Variants in IQGAP1 observed in about 807,000 individuals in gnomAD.
IQGAP1 encodes the protein ras GTPase-activating-like protein IQGAP1.
In IQGAP1, 66 loss-of-function variants were observed where a neutral mutation model predicts 215.6. The ratio of observed to expected loss-of-function variants is 0.31; its 90% CI spans 0.25 to 0.38. The LOEUF is 0.38. IQGAP1 is among the 10% of genes least tolerant of loss of function. IQGAP1 has a pLI of 1.00. For missense variants in IQGAP1, 1,712 were observed against 1,997.1 expected, an observed-to-expected ratio of 0.86 and a Z score of 2.72; for synonymous variants, 772 against 728.7, an observed-to-expected ratio of 1.06 and a Z score of -0.96.
intron 2 of IQGAP1, among the ~76,000 whole-genome samples, chr15:90,394,544 C>G (rs1421511596): frequency 6.6e-6 from 1 of 152,094 alleles, no homozygotes; most frequent in Non-Finnish European, 1.5e-5. Flanking sequence ...AGCTATTAAC[C>G]TCTTCCAGTT....
At chr15:90,389,578 C>T (rs915996540) in intron 1 of IQGAP1, among the ~76,000 whole-genome samples, 1 of 151,952 alleles carries the variant, frequency 6.6e-6, no homozygotes, top group Non-Finnish European at 1.5e-5. Context: ...ATGATCCCCA[C>T]GCCTCGACCT....
intron 33 of IQGAP1, among the ~76,000 whole-genome samples, chr15:90,488,093 T>A (rs1389802044): frequency 1.3e-5 from 2 of 152,050 alleles, no homozygotes; most frequent in Non-Finnish European, 2.9e-5. Flanking sequence ...AGGTGGTAGA[T>A]GCCTGTAGTC....
At chr15:90,421,165 C>A (rs1567120417) in intron 2 of IQGAP1, among the ~76,000 whole-genome samples, 2 of 150,926 alleles carry the variant, frequency 1.3e-5, no homozygotes, top group Non-Finnish European at 2.9e-5. Flanking sequence ...ATAAAGTCTT[C>A]ATAAAGCTAA....
chr15:90,449,541 T>G lies in IQGAP1; in HGVS notation c.1078-18T>G, dbSNP rs766776225. 7.5e-6 allele frequency: 12 copies of G among 1,602,018 alleles called. No individual in the cohort carries two copies. Among genetic ancestry groups the G allele is most frequent in the Non-Finnish European group, 9.4e-6 (11 of 1,173,188 alleles). ...TAGGAATGAGTAATCTTTACATAAT[T>G]TTCTTTGCTTTGCTCAGAGTGGTCA... On this transcript the variant is annotated intron_variant, in intron 10 of 37. Coordinates refer to ENST00000268182, the MANE Select transcript of IQGAP1 (RefSeq NM_003870.4).
intron 13 of IQGAP1, 135 bp from the exon 14 acceptor site, chr15:90,454,293 G>T: frequency 2.2e-6 from 2 of 891,868 alleles, no homozygotes; most frequent in Admixed American, 2.6e-5. Flanking sequence ...TTTGCACTTT[G>T]TTTAAAGTAA....
chr15:90,456,899 T>A lies in IQGAP1; in HGVS notation c.1776+584T>A, dbSNP rs182692018. 9.9e-3 allele frequency among the ~76,000 whole-genome samples: 1,315 copies of A among 133,450 alleles called. 17 individuals carry two copies. The highest frequency in any genetic ancestry group is 0.033 in the African/African-American group (1,105 of 33,688). 87.5% of individuals were successfully genotyped at this position (133,450 alleles called of 152,430 possible). A position where few individuals can be genotyped will look rare whatever the true frequency, so the allele number is the denominator to read the frequency against. On this transcript the variant is annotated intron_variant, in intron 15 of 37. Transcript: ENST00000268182. ...TAAGACTCCGTCTCAAAAAAATATATATATATATATATGTGTGTGTGTGTG... is the reference window on the plus strand; with the variant it reads ...TAAGACTCCGTCTCAAAAAAATATAAATATATATATATGTGTGTGTGTGTG...
At chr15:90,444,243 C>CTGTGTGTGTGTGTGTGTGTG (rs34494521) in intron 9 of IQGAP1, among the ~76,000 whole-genome samples, 1 of 126,944 alleles carries the variant, frequency 7.9e-6, no homozygotes, top group Non-Finnish European at 1.6e-5. Context: ...TCCTTCAAAA[C>CTGTGTGTGTGTGTGTGTGTG]TGTGTGTGTG....
At chr15:90,469,985 T>C (rs1965883911) in intron 18 of IQGAP1, among the ~76,000 whole-genome samples, 1 of 151,708 alleles carries the variant, frequency 6.6e-6, no homozygotes. Flanking sequence ...GTACAACTTC[T>C]AGCAGAGTGA....
intron 6 of IQGAP1, 33 bp downstream of exon 6, chr15:90,439,432 G>A: frequency 6.4e-7 from 1 of 1,558,682 alleles, no homozygotes; most frequent in Non-Finnish European, 8.8e-7. Flanking sequence ...GGAAATGCTT[G>A]AATTATGTGG....
rs1309168704 is a variant in IQGAP1, at chr15:90,388,263, T to A, written c.-79T>A. 26 of 1,518,094 alleles carry A rather than the reference T, an allele frequency of 1.7e-5. No homozygotes were observed. Among genetic ancestry groups the A allele is most frequent in the Non-Finnish European group, 2.3e-5 (26 of 1,115,278 alleles). 94.0% of individuals were successfully genotyped at this position (1,518,094 alleles called of 1,614,324 possible). A position where few individuals can be genotyped will look rare whatever the true frequency, so the allele number is the denominator to read the frequency against. On this transcript the variant is annotated 5_prime_UTR_variant, in exon 1 of 38. The change creates a new upstream start codon in the 5' untranslated region. Coordinates refer to ENST00000268182, the MANE Select transcript of IQGAP1 (RefSeq NM_003870.4). ...CGGGGACCCCGGCAAGCCCGCGCAC[T>A]TGGCAGGAGCTGTAGCTACCGCCGT...
Position 90,443,442 on chromosome 15 carries a change from C to A in IQGAP1, c.877C>A (p.Gln293Lys), listed in dbSNP as rs1160956663. The A allele has an allele frequency of 6.2e-7, 1 of 1,612,888 alleles. No individual in the cohort carries two copies. Among genetic ancestry groups the A allele is most frequent in the Non-Finnish European group, 8.5e-7 (1 of 1,179,124 alleles). The change falls in exon 9 of 38, where the codon CAA becomes AAA. Residue 293 changes from glutamine (Q) to lysine (K), a missense_variant. Around this residue, in one of 2 missense-constraint regions of IQGAP1, gnomAD observed 1,021 missense variants for 1,074.2 expected, o/e 0.95. Transcript: ENST00000268182. The stretch of plus-strand genomic sequence containing the variant: ...AGATGTTTATGAGGAGCTGCTCACG[C>A]AAGCTGAAATTCAAGGCAATATAAA... The part of the protein sequence containing the change: ...ERDVYEELLT[Q>K]AEIQGNINKV...
chr15:90,413,182 C>T (rs893580975), intron 2 of IQGAP1, among the ~76,000 whole-genome samples: 1 of 152,070 alleles, frequency 6.6e-6, no homozygotes, highest in Non-Finnish European at 1.5e-5. Context: ...TGTCAGACTC[C>T]ATTAGCAGGT....
intron 2 of IQGAP1, among the ~76,000 whole-genome samples, chr15:90,417,074 T>C (rs1485577614): frequency 6.6e-6 from 1 of 152,222 alleles, no homozygotes; most frequent in Non-Finnish European, 1.5e-5. Context: ...TTCTTTTAAA[T>C]TTGTTTGAGT....
At chr15:90,397,536 A>G (rs947655937) in intron 2 of IQGAP1, among the ~76,000 whole-genome samples, 2 of 84,536 alleles carry the variant, frequency 2.4e-5, no homozygotes, top group Non-Finnish European at 4.1e-5. Flanking sequence ...TTTTTTTTTG[A>G]GACGGAGTCT....
At chr15:90,466,612 C>CG (rs1362226723) in intron 17 of IQGAP1, among the ~76,000 whole-genome samples, 176 bp downstream of exon 17, 5 of 150,630 alleles carry the variant, frequency 3.3e-5, no homozygotes, top group African/African-American at 1.2e-4. Flanking sequence ...TTCCCCCCCC[C>CG]CTTGTGGACA....
intron 2 of IQGAP1, chr15:90,391,959 A>G (rs1964642015): frequency 6.6e-6 from 1 of 152,194 alleles, no homozygotes; most frequent in African/African-American, 2.4e-5. Flanking sequence ...TGTGTATTTT[A>G]ATTCTGAAAA....
At chr15:90,426,670 T>G (rs547528001) in intron 3 of IQGAP1, among the ~76,000 whole-genome samples, 7 of 152,224 alleles carry the variant, frequency 4.6e-5, no homozygotes, top group Admixed American at 4.6e-4. Flanking sequence ...AATCTAGTTT[T>G]GGGGCCGGGC....
chr15:90,467,652 T>G (rs1965850219), intron 18 of IQGAP1, 60 bp downstream of exon 18: 1 of 1,509,196 alleles, frequency 6.6e-7, no homozygotes, highest in South Asian at 1.3e-5. Flanking sequence ...AGCTATAATA[T>G]TAATTAAGAG....
intron 2 of IQGAP1, among the ~76,000 whole-genome samples, chr15:90,398,967 T>C (rs1431565822): frequency 6.9e-6 from 1 of 145,108 alleles, no homozygotes; most frequent in East Asian, 2.0e-4. Flanking sequence ...ATCACGCCAC[T>C]GTACTGCAGC....
Sources: allele counts gnomAD v4.1 joint callset (sites outside exome capture counted in the v4.1 genomes callset), GRCh38; gene constraint gnomAD v4.1.1; regional missense constraint gnomAD v4.1.1; transcripts MANE v1.5; gene names NCBI Gene and HGNC (gene_info 2026-07-23, HGNC 2026-07-21).